NAV3: variants seen among roughly 807,000 people sequenced by gnomAD.
NAV3 encodes the protein pore membrane and/or filament interacting like protein 1.
In NAV3, 87 loss-of-function variants were observed where a neutral mutation model predicts 244.7. The observed-to-expected ratio is 0.36, with a 90% CI of 0.30 to 0.42. NAV3 has a LOEUF of 0.42. Among genes scored for constraint, NAV3 ranks in the 20% least tolerant of loss-of-function variants. The pLI is 1.00. For missense variants in NAV3, 2,663 were observed against 2,893.3 expected, an observed-to-expected ratio of 0.92 and a Z score of 1.83; for synonymous variants, 1,126 against 1,042.2, an observed-to-expected ratio of 1.08 and a Z score of -1.55.
Position 77,586,747 on chromosome 12 carries a change from C to G in NAV3, c.72+14481C>G, listed in dbSNP as rs149771055. On this transcript the variant is annotated intron_variant, in intron 2 of 8. Transcript: ENST00000550042. The stretch of plus-strand genomic sequence containing the variant: ...ATTAATCAAAATTAAATTAAAAATT[C>G]AGTTCTTCAGTTGCACTAGCTGTTT... Among the ~76,000 whole-genome samples, 273 of 152,296 alleles carry G rather than the reference C, an allele frequency of 1.8e-3. 2 individuals carry two copies. Among genetic ancestry groups the G allele is most frequent in the African/African-American group, 6.2e-3 (258 of 41,564 alleles).
Position 77,972,003 on chromosome 12 carries a change from A to G in NAV3, c.671+3301A>G, listed in dbSNP as rs190032544. Among the ~76,000 whole-genome samples the G allele has an allele frequency of 2.6e-4, 39 of 152,320 alleles. No individual in the cohort carries two copies. In the East Asian group the frequency reaches 6.0e-3, roughly 23 times the overall value. The stretch of plus-strand genomic sequence containing the variant: ...TTTTTCCTCAAGTTGAATAGCTTTC[A>G]TTTAAACAGAAATTTGGATTTAAAG... On this transcript the variant is annotated intron_variant, in intron 5 of 39. Coordinates refer to ENST00000397909, the MANE Select transcript of NAV3 (RefSeq NM_001024383.2).
At chr12:78,046,801 T>G (rs1181357633) in intron 9 of NAV3, among the ~76,000 whole-genome samples, 1 of 152,162 alleles carries the variant, frequency 6.6e-6, no homozygotes, top group Non-Finnish European at 1.5e-5. Flanking sequence ...ATTTTCTGTC[T>G]CATTGATCTG....
In NAV3 at chr12:77,928,233, AAAAAAAAAAAG is replaced by A. The variant is rs563147763; in HGVS notation, c.244-12084_244-12074del. The stretch of plus-strand genomic sequence containing the variant: ...GCTAGGCTCCGCCTCAAAAAAAAAA[AAAAAAAAAAAG>A]AGAGAGAGGGAAGGAAAATGCTGAC... On this transcript the variant is annotated intron_variant, in intron 1 of 39. Coordinates refer to ENST00000397909, the MANE Select transcript of NAV3 (RefSeq NM_001024383.2). 1.3e-4 allele frequency among the ~76,000 whole-genome samples: 19 copies of A among 151,076 alleles called. No individual in the cohort carries two copies. In the South Asian group the frequency reaches 4.0e-3, roughly 32 times the overall value.
chr12:78,162,603 C>T (rs1593854041), intron 23 of NAV3, among the ~76,000 whole-genome samples: 2 of 151,552 alleles, frequency 1.3e-5, no homozygotes, highest in Non-Finnish European at 2.9e-5. Context: ...GTGACTCACA[C>T]GTGTAATCCT....
chr12:78,097,392 G>A (rs576193180), intron 12 of NAV3, among the ~76,000 whole-genome samples: 3 of 152,272 alleles, frequency 2.0e-5, no homozygotes, highest in Non-Finnish European at 2.9e-5. Context: ...CAGGATCTGC[G>A]GCAAGTTTTC....
chr12:78,045,413 A>G (rs1001605011), intron 9 of NAV3, among the ~76,000 whole-genome samples: 22 of 152,196 alleles, frequency 1.4e-4, no homozygotes, highest in Non-Finnish European at 2.1e-4. Flanking sequence ...CTCCTGCCTC[A>G]GCCTCCCGAG....
At chr12:78,106,042 A>G (rs1954785262) in intron 12 of NAV3, among the ~76,000 whole-genome samples, 1 of 151,630 alleles carries the variant, frequency 6.6e-6, no homozygotes, top group South Asian at 2.1e-4. Context: ...AGAGGAAAAA[A>G]TATCTGTTAG....
chr12:77,978,861 A>G (rs1198457090), intron 5 of NAV3, among the ~76,000 whole-genome samples: 1 of 151,990 alleles, frequency 6.6e-6, no homozygotes, highest in Non-Finnish European at 1.5e-5. Flanking sequence ...CAAAATAACG[A>G]TTGACTGTAT....
chr12:78,053,527 C>G (rs1296388407), intron 11 of NAV3, among the ~76,000 whole-genome samples: 1 of 152,102 alleles, frequency 6.6e-6, no homozygotes, highest in East Asian at 1.9e-4. Flanking sequence ...TCCCAGCCAA[C>G]AGCACTATAA....
At chr12:77,684,747 T>C (rs1874637555) in intron 2 of NAV3, among the ~76,000 whole-genome samples, 1 of 152,202 alleles carries the variant, frequency 6.6e-6, no homozygotes. Flanking sequence ...TATAACTCAT[T>C]GCCAAGATAT....
rs147562299 is a variant in NAV3, at chr12:77,858,520, G to T, written c.243+26816G>T. On this transcript the variant is annotated intron_variant, in intron 1 of 39. Transcript: ENST00000397909. Reference sequence around the variant, plus strand: ...ATAGTTTAATAGAGATTTACCAGAAGAATTGGTGAGAAAACAGTTCTGTTG... The same window carrying T: ...ATAGTTTAATAGAGATTTACCAGAATAATTGGTGAGAAAACAGTTCTGTTG... 8.7e-4 allele frequency among the ~76,000 whole-genome samples: 132 copies of T among 152,152 alleles called. 1 individual carries two copies. The highest frequency in any genetic ancestry group is 4.9e-3 in the Admixed American group (75 of 15,278).
At chr12:77,990,536 T>C (rs1239852325) in intron 5 of NAV3, among the ~76,000 whole-genome samples, 2 of 152,226 alleles carry the variant, frequency 1.3e-5, no homozygotes, top group South Asian at 2.1e-4. Context: ...TTCTCAGATT[T>C]TAAAACTGTG....
intron 2 of NAV3, among the ~76,000 whole-genome samples, chr12:77,639,389 T>C (rs767968841): frequency 6.6e-6 from 1 of 152,190 alleles, no homozygotes; most frequent in Non-Finnish European, 1.5e-5. Flanking sequence ...CATTAATTTA[T>C]TGAGCACATT....
At chr12:77,675,712 C>T (rs1041911737) in intron 2 of NAV3, among the ~76,000 whole-genome samples, 2 of 152,154 alleles carry the variant, frequency 1.3e-5, no homozygotes, top group Non-Finnish European at 2.9e-5. Flanking sequence ...TCCTCTCAAC[C>T]ACCTTCCCCT....
chr12:77,882,875 A>G (rs57145771), intron 1 of NAV3, among the ~76,000 whole-genome samples: 36,775 of 152,036 alleles, frequency 0.24, 4,911 homozygotes, highest in South Asian at 0.37. Context: ...CAAAAACCCT[A>G]TGAGACACCC....
chr12:77,829,285 T>C (rs1033789593), upstream of NAV3, among the ~76,000 whole-genome samples: 1 of 152,214 alleles, frequency 6.6e-6, no homozygotes, highest in Non-Finnish European at 1.5e-5. Flanking sequence ...CCAGCATTTA[T>C]ACCCAATTAT....
Position 78,176,528 on chromosome 12 carries a change from C to T in NAV3, c.5124+69C>T, listed in dbSNP as rs1325983237. 4.0e-6 allele frequency: 6 copies of T among 1,491,392 alleles called. No homozygotes were observed. The Admixed American group carries it at 1.0e-4, about 26-fold the overall frequency. 92.4% of individuals were successfully genotyped at this position (1,491,392 alleles called of 1,614,324 possible). ...ACCCTACCTTGGCATGAATGCTATC[C>T]ATTTTGGCAGTAGGCTTTTATACCT... On this transcript the variant is annotated intron_variant, in intron 26 of 39. Coordinates refer to ENST00000397909, the MANE Select transcript of NAV3 (RefSeq NM_001024383.2).
chr12:78,189,575 TGG>T, intron 33 of NAV3, among the ~76,000 whole-genome samples: 1 of 150,588 alleles, frequency 6.6e-6, no homozygotes, highest in African/African-American at 2.4e-5. Context: ...TATATATATA[TGG>T]GTGTGTGTGT....
chr12:77,720,843 T>C (rs958922548), intron 2 of NAV3, among the ~76,000 whole-genome samples: 1 of 152,108 alleles, frequency 6.6e-6, no homozygotes, highest in Non-Finnish European at 1.5e-5. Context: ...CTATTGTCCA[T>C]GGAGGGAAGG....
Sources: allele counts gnomAD v4.1 joint callset (sites outside exome capture counted in the v4.1 genomes callset), GRCh38; gene constraint gnomAD v4.1.1; transcripts MANE v1.5; gene names NCBI Gene and HGNC (gene_info 2026-07-23, HGNC 2026-07-21).